The following MYLK variants were observed in gnomAD, a reference collection of about 807,000 sequenced individuals.
The protein encoded by MYLK is myosin light chain kinase, smooth muscle.
MYLK carries 106 observed loss-of-function variants against 203.4 expected under a neutral mutation model. That is an observed-to-expected ratio of 0.52 (90% CI 0.45 to 0.61). MYLK has a LOEUF of 0.61. Ranked by LOEUF, MYLK falls within the 20% of genes least tolerant of loss-of-function variation. MYLK has a pLI of 0.00. For synonymous variants in MYLK, 867 were observed against 959.5 expected, an observed-to-expected ratio of 0.90 and a Z score of 1.78; for missense variants, 2,072 against 2,442.3, an observed-to-expected ratio of 0.85 and a Z score of 3.20.
intron 24 of MYLK, among the ~76,000 whole-genome samples, chr3:123,651,720 G>C (rs1157995084): frequency 1.3e-5 from 2 of 152,188 alleles, no homozygotes; most frequent in Non-Finnish European, 2.9e-5. Flanking sequence ...TCCAGTCCTA[G>C]AGCTGGCCCC....
chr3:123,874,311 T>C (rs1311854577), intron 2 of MYLK, among the ~76,000 whole-genome samples: 2 of 152,126 alleles, frequency 1.3e-5, no homozygotes, highest in Non-Finnish European at 1.5e-5. Context: ...CATAAATCAA[T>C]GGGACAGAAT....
chr3:123,880,417 T>C (rs886970244), intron 1 of MYLK, among the ~76,000 whole-genome samples: 3 of 151,882 alleles, frequency 2.0e-5, no homozygotes, highest in Non-Finnish European at 4.4e-5. Context: ...AAATAACCCA[T>C]AAGGTCCTGG....
intron 2 of MYLK, among the ~76,000 whole-genome samples, chr3:123,855,961 G>A (rs569703749): frequency 1.4e-4 from 21 of 152,320 alleles, no homozygotes; most frequent in African/African-American, 1.9e-4. Flanking sequence ...TCATTCGAGT[G>A]TAAACATTTC....
intron 24 of MYLK, among the ~76,000 whole-genome samples, chr3:123,653,748 C>T (rs1315280989): frequency 2.6e-5 from 4 of 152,146 alleles, no homozygotes; most frequent in African/African-American, 7.2e-5. Context: ...TTGTAGCTCC[C>T]GTGGCCTCTG....
chr3:123,725,296 C>A (rs78725715), intron 12 of MYLK, among the ~76,000 whole-genome samples: 1,612 of 152,312 alleles, frequency 0.011, 35 homozygotes, highest in African/African-American at 0.037. Context: ...ATGGACAGTT[C>A]TCAGTCTTCT....
chr3:123,824,069 C>A (rs768386657), intron 3 of MYLK, among the ~76,000 whole-genome samples: 2 of 151,918 alleles, frequency 1.3e-5, no homozygotes, highest in Non-Finnish European at 2.9e-5. Context: ...TCCCCTTATG[C>A]TCCTTATTGT....
chr3:123,610,651 C>T lies in MYLK; in HGVS notation c.*3454G>A, dbSNP rs976302745. The stretch of plus-strand genomic sequence containing the variant: ...GCAACAACTGCCACCAACATTAGCC[C>T]CCCCTTTCAAATTACAGGAAGGAGT... On this transcript the variant is annotated 3_prime_UTR_variant, in exon 34 of 34. Coordinates refer to ENST00000360304, the MANE Select transcript of MYLK (RefSeq NM_053025.4). 1 of 152,146 alleles carries T rather than the reference C, an allele frequency of 6.6e-6. No individual in the cohort carries two copies. The highest frequency in any genetic ancestry group is 1.5e-5 in the Non-Finnish European group (1 of 68,050). 9.4% of individuals were successfully genotyped at this position (152,146 alleles called of 1,614,324 possible).
At chr3:123,750,665 C>T (rs935365549) in intron 5 of MYLK, among the ~76,000 whole-genome samples, 2 of 152,178 alleles carry the variant, frequency 1.3e-5, no homozygotes, top group African/African-American at 2.4e-5. Context: ...TAACTCAGTG[C>T]TTTCTCAATT....
At chr3:123,643,469 C>T (rs2058904728) in intron 27 of MYLK, among the ~76,000 whole-genome samples, 3 of 152,144 alleles carry the variant, frequency 2.0e-5, no homozygotes, top group Admixed American at 2.0e-4. Context: ...AGGTTCAATC[C>T]TATTCAGATA....
In MYLK at chr3:123,740,119, G is replaced by C. The variant is rs974446721; in HGVS notation, c.374-118C>G. 3.1e-5 allele frequency: 30 copies of C among 962,358 alleles called. No homozygotes were observed. In the African/African-American group the frequency reaches 4.0e-4, roughly 13 times the overall value. The allele number at this position is 962,358 out of a possible 1,614,324, so 59.6% of individuals were successfully genotyped here. ...GATGGTGATCATTAATCTTGACTGA[G>C]CATGGGCTGTGTCACTATGGATACT... On this transcript the variant is annotated intron_variant, in intron 5 of 33. Transcript: ENST00000360304.
chr3:123,654,469 A>G (rs1231197052), intron 24 of MYLK, among the ~76,000 whole-genome samples: 1 of 152,096 alleles, frequency 6.6e-6, no homozygotes, highest in Non-Finnish European at 1.5e-5. Flanking sequence ...GCTCAGGTTC[A>G]CTATTTGCCT....
At chr3:123,678,034 G>A (rs1412261686) in intron 20 of MYLK, among the ~76,000 whole-genome samples, 1 of 151,132 alleles carries the variant, frequency 6.6e-6, no homozygotes, top group East Asian at 2.0e-4. Flanking sequence ...GTGAGACCCT[G>A]GACAGGGCAG....
At chr3:123,631,585 A>T (rs961686496) in intron 29 of MYLK, among the ~76,000 whole-genome samples, 4 of 152,172 alleles carry the variant, frequency 2.6e-5, no homozygotes, top group African/African-American at 7.2e-5. Flanking sequence ...TATTGGGAGA[A>T]AAAGCTTGCC....
intron 24 of MYLK, among the ~76,000 whole-genome samples, chr3:123,654,938 GA>G: frequency 6.6e-6 from 1 of 151,916 alleles, no homozygotes; most frequent in South Asian, 2.1e-4. Flanking sequence ...GGCTACTCTT[GA>G]ACTCCTGAGC....
intron 3 of MYLK, among the ~76,000 whole-genome samples, chr3:123,815,081 C>T (rs1020498628): frequency 1.3e-5 from 2 of 152,210 alleles, no homozygotes; most frequent in Non-Finnish European, 2.9e-5. Context: ...GCATGAGCCA[C>T]CACACCTGGC....
chr3:123,753,186 G>A (rs779521660), intron 4 of MYLK, among the ~76,000 whole-genome samples: 2 of 152,166 alleles, frequency 1.3e-5, no homozygotes. Flanking sequence ...ACTGGGTTTC[G>A]AAGACAATAC....
intron 4 of MYLK, among the ~76,000 whole-genome samples, chr3:123,752,844 C>T (rs1576850075): frequency 6.6e-6 from 1 of 152,256 alleles, no homozygotes; most frequent in East Asian, 1.9e-4. Context: ...TGCCCAGGTC[C>T]CACCTTAGAC....
chr3:123,783,707 G>T (rs1401175525), intron 4 of MYLK, among the ~76,000 whole-genome samples: 1 of 152,190 alleles, frequency 6.6e-6, no homozygotes, highest in African/African-American at 2.4e-5. Context: ...ATGGCTAAAG[G>T]TTTCTTTCCT....
intron 19 of MYLK, among the ~76,000 whole-genome samples, chr3:123,683,573 A>T (rs820368): frequency 0.51 from 77,817 of 152,056 alleles, 24,860 homozygotes; most frequent in Non-Finnish European, 0.73. Context: ...ATCTGCCTGC[A>T]TGAGTCCCTC....
Sources: gnomAD v4.1 joint callset for allele counts (sites outside exome capture counted in the v4.1 genomes callset) on GRCh38, gnomAD v4.1.1 for gene constraint, MANE v1.5 for transcripts, NCBI Gene and HGNC (gene_info 2026-07-23, HGNC 2026-07-21) for gene names.